The following NBEA variants were observed in gnomAD, a reference collection of about 807,000 sequenced individuals.
The protein encoded by NBEA is lysosomal-trafficking regulator 2.
A neutral mutation model predicts 343.4 loss-of-function variants in NBEA; 44 were observed. That is an observed-to-expected ratio of 0.13 (90% CI 0.10 to 0.16). NBEA has a LOEUF of 0.16. Among genes scored for constraint, NBEA ranks in the 10% least tolerant of loss-of-function variants. The pLI is 1.00. For missense variants in NBEA, 2,555 were observed against 3,631.3 expected, an observed-to-expected ratio of 0.70 and a Z score of 7.62; for synonymous variants, 1,175 against 1,238.7, an observed-to-expected ratio of 0.95 and a Z score of 1.08.
intron 38 of NBEA, among the ~76,000 whole-genome samples, chr13:35,368,440 T>G (rs1299056025): frequency 6.6e-6 from 1 of 151,588 alleles, no homozygotes; most frequent in Non-Finnish European, 1.5e-5. Flanking sequence ...CTGTCAGATT[T>G]GTCACTTTTC....
chr13:35,476,783 A>T, intron 41 of NBEA: 1 of 1,035,110 alleles, frequency 9.7e-7, no homozygotes, highest in Non-Finnish European at 1.2e-6. Flanking sequence ...AGCCTCCTTC[A>T]GCTCCAACCC....
intron 40 of NBEA, among the ~76,000 whole-genome samples, chr13:35,459,551 A>C (rs1350251674): frequency 6.6e-6 from 1 of 152,180 alleles, no homozygotes; most frequent in African/African-American, 2.4e-5. Context: ...GGTAACTCAA[A>C]TAACCAGGAA....
Position 35,651,170 on chromosome 13 carries a change from A to T in NBEA, c.7964-635A>T, listed in dbSNP as rs576313543. ...AAAGTGTTGTATATATTGTATAATCACGTGTGAAAAACTATGACTAATGAA... is the reference window on the plus strand; with the variant it reads ...AAAGTGTTGTATATATTGTATAATCTCGTGTGAAAAACTATGACTAATGAA... On this transcript the variant is annotated intron_variant, in intron 52 of 58. Coordinates refer to ENST00000379939, the MANE Select transcript of NBEA (RefSeq NM_001385012.1). Among the ~76,000 whole-genome samples, 9 of 152,356 alleles carry T rather than the reference A, an allele frequency of 5.9e-5. No homozygotes were observed. In the East Asian group the frequency reaches 1.7e-3, roughly 29 times the overall value.
At chr13:35,596,114 GTGTA>G (rs1383973678) in intron 47 of NBEA, among the ~76,000 whole-genome samples, 2 of 151,962 alleles carry the variant, frequency 1.3e-5, no homozygotes, top group African/African-American at 2.4e-5. Context: ...GCATGTGTGT[GTGTA>G]TGTGTGTGTG....
chr13:35,113,586 C>CATCTATCT (rs71078081), intron 13 of NBEA, among the ~76,000 whole-genome samples: 28,062 of 146,576 alleles, frequency 0.19, 2,683 homozygotes, highest in East Asian at 0.25. Context: ...CTCCTCCACT[C>CATCTATCT]ATCTATCTAT....
chr13:35,038,600 G>T (rs2062536013), intron 1 of NBEA, among the ~76,000 whole-genome samples: 1 of 152,108 alleles, frequency 6.6e-6, no homozygotes, highest in Admixed American at 6.6e-5. Flanking sequence ...CCTAGACTGG[G>T]TCCTTTCCTT....
At chr13:35,176,733 A>C (rs2070927772) in intron 27 of NBEA, among the ~76,000 whole-genome samples, 1 of 151,996 alleles carries the variant, frequency 6.6e-6, no homozygotes, top group African/African-American at 2.4e-5. Context: ...TCCAAGACGA[A>C]TCTTTATTCT....
chr13:35,351,725 A>G (rs2040211765), intron 37 of NBEA, among the ~76,000 whole-genome samples: 1 of 152,022 alleles, frequency 6.6e-6, no homozygotes, highest in Non-Finnish European at 1.5e-5. Context: ...TTTCTTCTGT[A>G]TCACATTACC....
At position 35,567,033 on chromosome 13, in the gene NBEA, A is replaced by G. The variant is rs770104823; in HGVS notation, c.7035+16A>G. The stretch of plus-strand genomic sequence containing the variant: ...TCTATCAAAGGTAACTTTTAAATAT[A>G]TAGAAGTCAGCTTTCTTCATAAGGC... On this transcript the variant is annotated intron_variant, in intron 45 of 58. Transcript: ENST00000379939. 5.8e-6 allele frequency: 8 copies of G among 1,389,522 alleles called. No individual in the cohort carries two copies. In the East Asian group the frequency reaches 1.6e-4, roughly 28 times the overall value. The allele number at this position is 1,389,522 out of a possible 1,614,324, so 86.1% of individuals were successfully genotyped here.
chr13:35,569,604 T>A (rs751076765), intron 45 of NBEA, among the ~76,000 whole-genome samples: 1 of 152,208 alleles, frequency 6.6e-6, no homozygotes. Flanking sequence ...ACACATGTGC[T>A]ATATGTCAAA....
intron 38 of NBEA, among the ~76,000 whole-genome samples, chr13:35,374,240 G>C (rs1391037375): frequency 6.6e-6 from 1 of 152,110 alleles, no homozygotes; most frequent in Non-Finnish European, 1.5e-5. Flanking sequence ...CCAAGAAGAA[G>C]GAGAAACAAG....
intron 17 of NBEA, among the ~76,000 whole-genome samples, chr13:35,130,914 T>C (rs1460203508): frequency 6.6e-6 from 1 of 152,002 alleles, no homozygotes; most frequent in African/African-American, 2.4e-5. Context: ...TTATACAAAT[T>C]ATAAAATGCA....
At chr13:34,966,652 G>C (rs1292321392) in intron 1 of NBEA, among the ~76,000 whole-genome samples, 4 of 144,038 alleles carry the variant, frequency 2.8e-5, no homozygotes, top group Non-Finnish European at 6.0e-5. Flanking sequence ...CTCTCTCTCT[G>C]TGTATGTGTG....
chr13:35,498,552 A>C (rs539433855), intron 41 of NBEA, among the ~76,000 whole-genome samples: 1 of 152,202 alleles, frequency 6.6e-6, no homozygotes, highest in East Asian at 1.9e-4. Context: ...GGACTACATC[A>C]TCAGGATAAC....
intron 1 of NBEA, among the ~76,000 whole-genome samples, chr13:34,989,859 G>A (rs1353727265): frequency 2.0e-5 from 3 of 150,914 alleles, no homozygotes; most frequent in African/African-American, 7.3e-5. Context: ...AGATACAATG[G>A]GGCTACAGGC....
At chr13:35,552,308 G>C (rs184676146) in intron 43 of NBEA, among the ~76,000 whole-genome samples, 44 of 152,226 alleles carry the variant, frequency 2.9e-4, no homozygotes, top group Admixed American at 3.3e-4. Flanking sequence ...TGTTTAGCTG[G>C]GGTTACCTTG....
intron 38 of NBEA, among the ~76,000 whole-genome samples, chr13:35,379,395 G>A (rs1046713654): frequency 3.3e-5 from 5 of 151,792 alleles, no homozygotes; most frequent in African/African-American, 1.2e-4. Context: ...TTGTTCTATT[G>A]GATTGTCTTT....
At chr13:35,076,269 A>G (rs539146745) in intron 10 of NBEA, among the ~76,000 whole-genome samples, 1 of 152,088 alleles carries the variant, frequency 6.6e-6, no homozygotes, top group African/African-American at 2.4e-5. Context: ...TGGTACTGAA[A>G]ACATTTTGAA....
At chr13:35,399,996 C>T (rs998114900) in intron 38 of NBEA, among the ~76,000 whole-genome samples, 33 of 132,066 alleles carry the variant, frequency 2.5e-4, no homozygotes, top group African/African-American at 8.3e-4. Context: ...TATATGGGTG[C>T]AGTTTATGGC....
Sources: allele counts gnomAD v4.1 joint callset (sites outside exome capture counted in the v4.1 genomes callset), GRCh38; gene constraint gnomAD v4.1.1; transcripts MANE v1.5; gene names NCBI Gene and HGNC (gene_info 2026-07-23, HGNC 2026-07-21).